Variants in CDKAL1 observed in about 807,000 individuals in gnomAD.
The protein encoded by CDKAL1 is threonylcarbamoyladenosine tRNA methylthiotransferase.
In CDKAL1, 32 loss-of-function variants were observed where a neutral mutation model predicts 68.2. The ratio of observed to expected loss-of-function variants is 0.47; its 90% CI spans 0.35 to 0.63. The LOEUF (loss-of-function observed/expected upper bound fraction) is 0.63. CDKAL1 is among the 30% of genes least tolerant of loss of function. The probability of loss-of-function intolerance (pLI) is 0.00; values close to 1 mark genes in which losing one functional copy is unlikely to be tolerated. For synonymous variants in CDKAL1, 234 were observed against 244.3 expected (o/e 0.96, Z 0.39); for missense variants, 606 against 696.7 (o/e 0.87, Z 1.47).
chr6:20,628,684 G>A (rs2127739609), intron 4 of CDKAL1, among the ~76,000 whole-genome samples: 1 of 151,668 alleles, frequency 6.6e-6, no homozygotes, highest in South Asian at 2.1e-4. Context: ...TACTTCATGT[G>A]GTTAAAGAAT....
chr6:20,762,650 C>G (rs532770363), intron 7 of CDKAL1, among the ~76,000 whole-genome samples: 1 of 152,294 alleles, frequency 6.6e-6, no homozygotes, highest in South Asian at 2.1e-4. Flanking sequence ...GTTTTCTCAG[C>G]TTAAAATGGT....
intron 12 of CDKAL1, among the ~76,000 whole-genome samples, chr6:21,097,925 A>T (rs765747361): frequency 2.0e-5 from 3 of 152,254 alleles, no homozygotes; most frequent in Non-Finnish European, 4.4e-5. Context: ...AAGCACTGTT[A>T]ATACCAAATG....
intron 8 of CDKAL1, among the ~76,000 whole-genome samples, chr6:20,821,090 C>A (rs1777258709): frequency 6.6e-6 from 1 of 151,896 alleles, no homozygotes. Flanking sequence ...GCAAAGAAGC[C>A]ACTATGAGCA....
In CDKAL1 at chr6:20,751,907, T is replaced by C. The variant is rs558445490; in HGVS notation, c.469-6688T>C. On this transcript the variant is annotated intron_variant, in intron 6 of 15. Transcript: ENST00000274695. ...TGTGTATTCAGAGCCTCAATTTATA[T>C]ATTAATTAAGAACAACTTTCCTTTT... Among the ~76,000 whole-genome samples, 4 of 152,346 alleles carry C rather than the reference T, an allele frequency of 2.6e-5. No individual in the cohort carries two copies. The South Asian group carries it at 8.3e-4, about 32-fold the overall frequency.
intron 4 of CDKAL1, among the ~76,000 whole-genome samples, chr6:20,554,401 C>A (rs1349733655): frequency 6.6e-6 from 1 of 152,064 alleles, no homozygotes; most frequent in Non-Finnish European, 1.5e-5. Context: ...TGGATTATTT[C>A]TTTGGGAGAT....
chr6:20,599,026 A>C (rs897276219), intron 4 of CDKAL1, among the ~76,000 whole-genome samples: 2 of 151,934 alleles, frequency 1.3e-5, no homozygotes, highest in Non-Finnish European at 2.9e-5. Flanking sequence ...TATTTTTATA[A>C]TTTGATTTTT....
Position 20,614,209 on chromosome 6 carries a change from T to G in CDKAL1, c.287-35084T>G, listed in dbSNP as rs553393541. Among the ~76,000 whole-genome samples the G allele has an allele frequency of 3.3e-4, 50 of 152,318 alleles. 3 individuals are homozygous for G. The highest frequency in any genetic ancestry group is 1.1e-3 in the African/African-American group (47 of 41,586). ...AGATTTTTCCCCCTTTGCTATATTT[T>G]TATGTTGTTTATGGTTGCTCTTGCC... On this transcript the variant is annotated intron_variant, in intron 4 of 15. Coordinates refer to ENST00000274695, the MANE Select transcript of CDKAL1 (RefSeq NM_017774.3).
At chr6:20,567,647 C>G (rs1423562571) in intron 4 of CDKAL1, among the ~76,000 whole-genome samples, 1 of 152,080 alleles carries the variant, frequency 6.6e-6, no homozygotes, top group African/African-American at 2.4e-5. Flanking sequence ...TGGGGTCTTG[C>G]TCCAAAGATC....
rs1167981872 is a variant in CDKAL1 at position 20,921,766 on chromosome 6, C to T, written c.743-33653C>T. Reference sequence around the variant, plus strand: ...TGTAATTTCTCAGATTTGGGCTTTACTTTCTGTAGTTCTTATTCTTCCTAC... The same window carrying T: ...TGTAATTTCTCAGATTTGGGCTTTATTTTCTGTAGTTCTTATTCTTCCTAC... On this transcript the variant is annotated intron_variant, in intron 9 of 15. Transcript: ENST00000274695. Among the ~76,000 whole-genome samples, 4 of 152,286 alleles carry T rather than the reference C, an allele frequency of 2.6e-5. No homozygotes were observed. In the East Asian group the frequency reaches 7.7e-4, roughly 29 times the overall value.
intron 4 of CDKAL1, among the ~76,000 whole-genome samples, chr6:20,644,616 CT>C (rs1214800673): frequency 6.6e-6 from 1 of 152,150 alleles, no homozygotes; most frequent in Admixed American, 6.5e-5. Flanking sequence ...GGAGGCAGAG[CT>C]TGCAGTGAGC....
chr6:20,710,795 T>C (rs967283718), intron 5 of CDKAL1, among the ~76,000 whole-genome samples: 8 of 152,154 alleles, frequency 5.3e-5, no homozygotes, highest in African/African-American at 1.2e-4. Flanking sequence ...TAATGGATTA[T>C]TTTTGTTTGG....
At chr6:20,721,723 C>CTGTTTTTTTTT (rs1772372013) in intron 5 of CDKAL1, among the ~76,000 whole-genome samples, 2 of 107,914 alleles carry the variant, frequency 1.9e-5, no homozygotes, top group African/African-American at 4.1e-5. Flanking sequence ...TGACCAACTT[C>CTGTTTTTTTTT]TGTTTTTTTT....
chr6:21,179,763 G>T (rs920467689), intron 13 of CDKAL1, among the ~76,000 whole-genome samples: 1 of 152,160 alleles, frequency 6.6e-6, no homozygotes. Context: ...GCTGGTCCTG[G>T]TGGCTCACAC....
intron 13 of CDKAL1, among the ~76,000 whole-genome samples, chr6:21,161,692 T>C (rs998484001): frequency 6.6e-6 from 1 of 152,206 alleles, no homozygotes; most frequent in Non-Finnish European, 1.5e-5. Context: ...AAATTCACTC[T>C]TCTGTAAAGC....
intron 9 of CDKAL1, among the ~76,000 whole-genome samples, chr6:20,909,602 A>T (rs567163331): frequency 6.6e-6 from 1 of 152,202 alleles, no homozygotes; most frequent in African/African-American, 2.4e-5. Context: ...TTTGCTTGTT[A>T]TTTTATTTTT....
Position 21,149,393 on chromosome 6 carries a change from G to T in CDKAL1, c.1299+40930G>T, listed in dbSNP as rs1217291490. ...ACTCCTGACTTCAAGTAATTTGCCC[G>T]CCTCGGCCTCCCAAAGTGCTGGGAT... On this transcript the variant is annotated intron_variant, in intron 13 of 15. Transcript: ENST00000274695. Among the ~76,000 whole-genome samples, 6 of 152,058 alleles carry T rather than the reference G, an allele frequency of 3.9e-5. 1 individual carries two copies.
intron 10 of CDKAL1, among the ~76,000 whole-genome samples, chr6:20,989,828 G>A (rs1188327341): frequency 6.6e-6 from 1 of 152,032 alleles, no homozygotes; most frequent in African/African-American, 2.4e-5. Flanking sequence ...TTTTTCATAT[G>A]TGTTCCATTC....
At chr6:21,111,621 GT>G (rs1194076212) in intron 13 of CDKAL1, among the ~76,000 whole-genome samples, 3 of 152,148 alleles carry the variant, frequency 2.0e-5, no homozygotes, top group Non-Finnish European at 1.5e-5. Context: ...TGGTCAGTTG[GT>G]TTTCTCTTAA....
chr6:21,025,539 G>T (rs777943332), intron 11 of CDKAL1, among the ~76,000 whole-genome samples: 1 of 152,116 alleles, frequency 6.6e-6, no homozygotes, highest in African/African-American at 2.4e-5. Flanking sequence ...TTGGAGGCAT[G>T]TAGATTTGGG....
Sources: gnomAD v4.1 joint callset for allele counts (sites outside exome capture counted in the v4.1 genomes callset) on GRCh38, gnomAD v4.1.1 for gene constraint, MANE v1.5 for transcripts, NCBI Gene and HGNC (gene_info 2026-07-23, HGNC 2026-07-21) for gene names.